Variants in JCAD observed in about 807,000 individuals in gnomAD.
JCAD encodes the protein junctional cadherin 5 associated.
A neutral mutation model predicts 98.0 loss-of-function variants in JCAD; 40 were observed. The ratio of observed to expected loss-of-function variants is 0.41; its 90% confidence interval spans 0.32 to 0.53. The LOEUF (loss-of-function observed/expected upper bound fraction) is 0.53, where lower values mean the gene tolerates loss of function less well. Among genes scored for constraint, JCAD ranks in the 20% least tolerant of loss-of-function variants. JCAD has a pLI of 0.31. For synonymous variants in JCAD, 691 were observed against 682.3 expected (o/e 1.01, Z -0.20); for missense variants, 1,705 against 1,738.1 (o/e 0.98, Z 0.34).
At chr10:30,089,513 CGTGTGTGTGTGTGTGT>C (rs58665379) in intron 1 of JCAD, among the ~76,000 whole-genome samples, 27 of 143,036 alleles carry the variant, frequency 1.9e-4, no homozygotes, top group Admixed American at 1.8e-3. Flanking sequence ...ATGCTTCTTC[CGTGTGTGTGTGTGTGT>C]GTGTGTGTGT....
At chr10:30,032,185 AG>A (rs1837017151) in intron 2 of JCAD, among the ~76,000 whole-genome samples, 1 of 152,222 alleles carries the variant, frequency 6.6e-6, no homozygotes, top group South Asian at 2.1e-4. Flanking sequence ...TCTGCAAGGC[AG>A]GAAATGGTAG....
At chr10:30,079,780 C>G (rs971035700) in intron 1 of JCAD, among the ~76,000 whole-genome samples, 2 of 152,232 alleles carry the variant, frequency 1.3e-5, no homozygotes, top group East Asian at 3.8e-4. Context: ...TCTGCACTTA[C>G]AAAAACCAGA....
intron 2 of JCAD, among the ~76,000 whole-genome samples, chr10:30,037,387 T>C (rs940637931): frequency 1.7e-4 from 26 of 152,160 alleles, no homozygotes; most frequent in African/African-American, 6.0e-4. Flanking sequence ...TAAAGGTCAG[T>C]CAGAAAAGAG....
rs149971906 is a variant in JCAD at position 30,052,189 on chromosome 10, C to T, written c.-59-4318G>A. Among the ~76,000 whole-genome samples the T allele has an allele frequency of 5.7e-3, 862 of 152,294 alleles. 5 individuals carry two copies. The highest frequency in any genetic ancestry group is 0.016 in the South Asian group (79 of 4,820). On this transcript the variant is annotated intron_variant, in intron 1 of 3. Coordinates refer to ENST00000375377, the MANE Select transcript of JCAD (RefSeq NM_020848.4). ...TTGGGCATGGGGCTGGGTTACCTCCCGCTTCGCTGTTGGGATGAGTGTCTG... is the reference window on the plus strand; with the variant it reads ...TTGGGCATGGGGCTGGGTTACCTCCTGCTTCGCTGTTGGGATGAGTGTCTG...
At chr10:30,029,973 G>T in intron 2 of JCAD, 107 bp from the exon 3 acceptor site, 4 of 1,275,992 alleles carry the variant, frequency 3.1e-6, no homozygotes, top group Non-Finnish European at 4.2e-6. Flanking sequence ...TTGAAAACTT[G>T]GTTCCCAGCC....
chr10:30,087,258 GGTGAAACTCT>G (rs537348237), intron 1 of JCAD, among the ~76,000 whole-genome samples: 104 of 152,144 alleles, frequency 6.8e-4, no homozygotes, highest in African/African-American at 2.3e-3. Context: ...TGGCCAACAT[GGTGAAACTCT>G]GTCTCTACAA....
Position 30,012,814 on chromosome 10 carries a change from A to G in JCAD, c.*5069T>C, listed in dbSNP as rs986444983. 1 of 152,278 alleles carries G rather than the reference A, an allele frequency of 6.6e-6. No individual in the cohort carries two copies. The highest frequency in any genetic ancestry group is 2.4e-5 in the African/African-American group (1 of 41,458). 9.4% of individuals were successfully genotyped at this position (152,278 alleles called of 1,614,324 possible). On this transcript the variant is annotated 3_prime_UTR_variant, in exon 4 of 4. Coordinates refer to ENST00000375377, the MANE Select transcript of JCAD (RefSeq NM_020848.4). ...ACGGACATAGGTACTTTCATGCAAA[A>G]TCTTTATTTGGAACATGTATGTTAC...
intron 1 of JCAD, among the ~76,000 whole-genome samples, chr10:30,085,547 T>C (rs997736270): frequency 1.2e-4 from 18 of 152,128 alleles, no homozygotes; most frequent in African/African-American, 4.3e-4. Flanking sequence ...AAGGATGAGA[T>C]GCCCTTACGT....
At chr10:30,022,315 T>C (rs1280756825) in intron 3 of JCAD, among the ~76,000 whole-genome samples, 1 of 152,184 alleles carries the variant, frequency 6.6e-6, no homozygotes, top group African/African-American at 2.4e-5. Context: ...CCAGAACAGA[T>C]GCTTGAATTT....
At chr10:30,094,637 T>C (rs187731699) in intron 1 of JCAD, among the ~76,000 whole-genome samples, 201 of 152,326 alleles carry the variant, frequency 1.3e-3, no homozygotes, top group African/African-American at 4.7e-3. Context: ...TTTTCCCTTA[T>C]GCAGTCTGGA....
At chr10:30,047,446 T>A in intron 2 of JCAD, 86 bp downstream of exon 2, 6 of 1,471,898 alleles carry the variant, frequency 4.1e-6, no homozygotes, top group Non-Finnish European at 5.5e-6. Flanking sequence ...CCTGGCCAAA[T>A]ATAGATTTGA....
chr10:30,038,833 T>C (rs1837178140), intron 2 of JCAD, among the ~76,000 whole-genome samples: 1 of 151,694 alleles, frequency 6.6e-6, no homozygotes, highest in South Asian at 2.1e-4. Flanking sequence ...AACAATAACC[T>C]GGAGAAAAGG....
chr10:30,114,041 C>T (rs749795529), intron 1 of JCAD, among the ~76,000 whole-genome samples: 4 of 152,060 alleles, frequency 2.6e-5, no homozygotes, highest in Non-Finnish European at 4.4e-5. Flanking sequence ...GGGCACTTAG[C>T]CCCCTCTGTA....
rs74655563 is a variant in JCAD at position 30,104,455 on chromosome 10, C to T, written n.128+10912G>A. On this transcript the variant is annotated intron_variant and non_coding_transcript_variant, in intron 1 of 2. Transcript: ENST00000465712. ...ATGGATGCAGCGGAAGGTCATTGTC[C>T]TAAACAAACTAATGCAAGAACAGAA... Among the ~76,000 whole-genome samples, 691 of 152,008 alleles carry T rather than the reference C, an allele frequency of 4.5e-3. 3 individuals are homozygous for T. Among genetic ancestry groups the T allele is most frequent in the Non-Finnish European group, 7.2e-3 (491 of 68,028 alleles).
chr10:30,083,093 A>C (rs1838114313), intron 1 of JCAD, among the ~76,000 whole-genome samples: 1 of 152,164 alleles, frequency 6.6e-6, no homozygotes, highest in Non-Finnish European at 1.5e-5. Context: ...ATTTGGAATT[A>C]AATGGTGCAA....
At chr10:30,110,516 G>C (rs117654340) in intron 1 of JCAD, among the ~76,000 whole-genome samples, 1 of 89,668 alleles carries the variant, frequency 1.1e-5, no homozygotes, top group Non-Finnish European at 2.9e-5. Flanking sequence ...ACTAGCTGAT[G>C]TATGGACTCC....
At chr10:30,050,966 GA>G (rs1337001414) in intron 1 of JCAD, among the ~76,000 whole-genome samples, 1 of 152,154 alleles carries the variant, frequency 6.6e-6, no homozygotes. Context: ...ATTTTCACAA[GA>G]AAACTGAGGC....
chr10:30,026,203 G>T lies in JCAD; in HGVS notation c.3945C>A (p.Gly1315=). 3.1e-6 allele frequency: 5 copies of T among 1,614,050 alleles called. No individual in the cohort carries two copies. The highest frequency in any genetic ancestry group is 4.2e-6 in the Non-Finnish European group (5 of 1,180,008). ...PGSGDRAQRL[G]HSLSVSKDSI... is the part of the protein sequence containing the mutation. ...TGTCCTTGGACACAGAGAGTGAGTG[G>T]CCCAATCTCTGGGCACGGTCCCCAC... The change falls in exon 3 of 4, where the codon GGC becomes GGA. Residue 1315 remains glycine, a synonymous_variant. Transcript: ENST00000375377.
intron 2 of JCAD, among the ~76,000 whole-genome samples, chr10:30,047,264 C>A (rs941603795): frequency 2.0e-5 from 3 of 152,154 alleles, no homozygotes; most frequent in African/African-American, 7.2e-5. Flanking sequence ...CCCAGCTACT[C>A]AGAAGGCTGA....
Sources: allele counts gnomAD v4.1 joint callset (sites outside exome capture counted in the v4.1 genomes callset), GRCh38; gene constraint gnomAD v4.1.1; transcripts MANE v1.5; gene names NCBI Gene and HGNC (gene_info 2026-07-23, HGNC 2026-07-21).